The following PGM2L1 variants were observed in gnomAD, a reference collection of about 807,000 sequenced individuals.
PGM2L1 encodes glucose 1,6-bisphosphate synthase.
A neutral mutation model predicts 73.4 loss-of-function variants in PGM2L1; 35 were observed. The observed-to-expected ratio is 0.48, with a 90% CI of 0.36 to 0.63. The LOEUF (loss-of-function observed/expected upper bound fraction) is 0.63. Among genes scored for constraint, PGM2L1 ranks in the 30% least tolerant of loss-of-function variants. The pLI is 0.00. For missense variants in PGM2L1, 570 were observed against 742.0 expected (o/e 0.77, Z 2.69); for synonymous variants, 225 against 253.8 (o/e 0.89, Z 1.08).
chr11:74,371,777 T>C lies in PGM2L1; in HGVS notation c.320A>G (p.Lys107Arg), dbSNP rs772640187. The change falls in exon 3 of 14, where the codon AAG (lysine) becomes AGG (arginine). Residue 107 changes from lysine to arginine, a missense_variant. By Grantham distance (26) the Lys-to-Arg change is conservative. Transcript: ENST00000298198. ...ATACCCAACCACAAAGCCTCTCTGC[T>C]TGAAGTCTGAGAAACATCTCTCAAG... ...KYLERCFSDF[K>R]QRGFVVGYDT... is the part of the protein sequence containing the mutation. 5.6e-6 allele frequency: 9 copies of C among 1,614,008 alleles called. No individual in the cohort carries two copies. The East Asian group carries it at 8.9e-5, about 16-fold the overall frequency.
At chr11:74,362,254 TA>T (rs970485019) in intron 5 of PGM2L1, among the ~76,000 whole-genome samples, 1 of 152,084 alleles carries the variant, frequency 6.6e-6, no homozygotes, top group African/African-American at 2.4e-5. Flanking sequence ...CAACATTCTT[TA>T]AAAAAGAATT....
intron 2 of PGM2L1, among the ~76,000 whole-genome samples, chr11:74,374,192 T>A (rs1410825614): frequency 6.6e-6 from 1 of 152,054 alleles, no homozygotes; most frequent in East Asian, 1.9e-4. Flanking sequence ...CAAGCGATTC[T>A]CCTGCCTCAG....
chr11:74,347,698 C>A (rs61045234), intron 6 of PGM2L1, among the ~76,000 whole-genome samples: 1 of 152,188 alleles, frequency 6.6e-6, no homozygotes, highest in African/African-American at 2.4e-5. Context: ...CGTTTCTTCA[C>A]TTCCAGTTTA....
chr11:74,330,427 C>G lies in PGM2L1; in HGVS notation c.*6225G>C, dbSNP rs1336939139. 6.6e-6 allele frequency: 1 copy of G among 152,608 alleles called. No homozygotes were observed. The highest frequency in any genetic ancestry group is 2.4e-5 in the African/African-American group (1 of 41,436). 9.5% of individuals were successfully genotyped at this position (152,608 alleles called of 1,614,324 possible). ...TCTCACAGGCAGTACTTATAATACA[C>G]CCTGGTGTTTTTGTAGGGAAAAATG... is the stretch of plus-strand genomic sequence containing the variant. On this transcript the variant is annotated 3_prime_UTR_variant, in exon 14 of 14. Transcript: ENST00000298198.
chr11:74,386,458 C>T (rs1359643464), intron 1 of PGM2L1, among the ~76,000 whole-genome samples: 1 of 149,726 alleles, frequency 6.7e-6, no homozygotes, highest in Non-Finnish European at 1.5e-5. Flanking sequence ...GGCAATTTGG[C>T]AATATCTGTC....
At chr11:74,368,625 A>T (rs1470324030) in intron 4 of PGM2L1, 50 bp from the exon 5 acceptor site, 1 of 1,417,632 alleles carries the variant, frequency 7.1e-7, no homozygotes, top group East Asian at 2.3e-5. Flanking sequence ...AGCTATTTAC[A>T]CATTTGACAT....
chr11:74,346,607 T>C (rs750142495), intron 8 of PGM2L1, 125 bp downstream of exon 8: 110 of 686,116 alleles, frequency 1.6e-4, no homozygotes, highest in Non-Finnish European at 2.6e-4. Context: ...TATTTTGGGA[T>C]AATGGATTTA....
chr11:74,397,804 AAAG>A (rs1863201397), intron 1 of PGM2L1: 1 of 355,646 alleles, frequency 2.8e-6, no homozygotes, highest in Non-Finnish European at 4.8e-6. Context: ...GAAAGAGGGT[AAAG>A]AAGAGGAAGG....
chr11:74,387,778 T>A (rs563843748), intron 1 of PGM2L1, among the ~76,000 whole-genome samples: 23 of 152,328 alleles, frequency 1.5e-4, no homozygotes, highest in African/African-American at 5.1e-4. Context: ...ATTTATATTT[T>A]AAATTTTACT....
chr11:74,344,152 A>G (rs1048020317), intron 9 of PGM2L1, among the ~76,000 whole-genome samples: 3 of 152,198 alleles, frequency 2.0e-5, no homozygotes, highest in Non-Finnish European at 2.9e-5. Flanking sequence ...GCCCAAAATT[A>G]TACTGCATAT....
intron 9 of PGM2L1, among the ~76,000 whole-genome samples, chr11:74,344,223 A>G (rs1202112374): frequency 1.3e-5 from 2 of 152,160 alleles, no homozygotes; most frequent in African/African-American, 4.8e-5. Context: ...CCTTTAAGCT[A>G]TATTACAACC....
chr11:74,368,128 A>G (rs1002382349), intron 5 of PGM2L1, among the ~76,000 whole-genome samples: 16 of 152,290 alleles, frequency 1.1e-4, no homozygotes, highest in African/African-American at 3.8e-4. Flanking sequence ...TCAGAGAGAG[A>G]GGAGAGTGAG....
rs567640199 is a variant in PGM2L1, at chr11:74,380,623, G to A, written c.112-6041C>T. On this transcript the variant is annotated intron_variant, in intron 1 of 13. Coordinates refer to ENST00000298198, the MANE Select transcript of PGM2L1 (RefSeq NM_173582.6). ...TAAGAATATTAGATATACCAAATTA[G>A]TGTGAAAAATTTAAAAAAGTTAATT... Among the ~76,000 whole-genome samples, 10 of 151,990 alleles carry A rather than the reference G, an allele frequency of 6.6e-5. 1 individual carries two copies. The highest frequency in any genetic ancestry group is 2.9e-5 in the Non-Finnish European group (2 of 67,946).
At chr11:74,343,522 T>C (rs1591166475) in intron 9 of PGM2L1, 106 bp from the exon 10 acceptor site, 1 of 1,471,058 alleles carries the variant, frequency 6.8e-7, no homozygotes, top group East Asian at 2.5e-5. Context: ...TGATCCTTAC[T>C]ATAGTCTTCA....
rs551220633 is a variant in PGM2L1, at chr11:74,333,557, GA to G, written c.*3094del. On this transcript the variant is annotated 3_prime_UTR_variant, in exon 14 of 14. Coordinates refer to ENST00000298198, the MANE Select transcript of PGM2L1 (RefSeq NM_173582.6). ...TGATTCTGATACAACATCCTAGCAG[GA>G]ACTGAATCCGTAAAAGGGATACTTT... 2.6e-5 allele frequency: 4 copies of G among 152,054 alleles called. No homozygotes were observed. The highest frequency in any genetic ancestry group is 2.9e-5 in the Non-Finnish European group (2 of 68,014). 9.4% of individuals were successfully genotyped at this position (152,054 alleles called of 1,614,324 possible).
intron 1 of PGM2L1, among the ~76,000 whole-genome samples, chr11:74,390,518 C>T (rs1431805500): frequency 2.0e-5 from 3 of 152,150 alleles, no homozygotes; most frequent in Admixed American, 6.5e-5. Flanking sequence ...GTTTCAAGTA[C>T]ATTTTTAATT....
chr11:74,353,811 G>A (rs140883931), intron 5 of PGM2L1, among the ~76,000 whole-genome samples: 1,801 of 11,256 alleles, frequency 0.16, 18 homozygotes, highest in Non-Finnish European at 0.21. Flanking sequence ...AGACAAAACC[G>A]CCATCGCCAT....
intron 5 of PGM2L1, among the ~76,000 whole-genome samples, chr11:74,365,346 A>G (rs1300835079): frequency 2.6e-5 from 4 of 151,268 alleles, no homozygotes. Flanking sequence ...AATGGCAACA[A>G]AAGCCAAAAT....
At chr11:74,365,805 G>A (rs1377581887) in intron 5 of PGM2L1, among the ~76,000 whole-genome samples, 2 of 152,178 alleles carry the variant, frequency 1.3e-5, no homozygotes, top group Non-Finnish European at 1.5e-5. Context: ...ACAGTGTGGC[G>A]ATTCCTCAAG....
Sources: gnomAD v4.1 joint callset for allele counts (sites outside exome capture counted in the v4.1 genomes callset) on GRCh38, gnomAD v4.1.1 for gene constraint, MANE v1.5 for transcripts, NCBI Gene and HGNC (gene_info 2026-07-23, HGNC 2026-07-21) for gene names.